FSTL5: variants seen among roughly 807,000 people sequenced by gnomAD.
FSTL5 encodes follistatin like 5, also known as follistatin-related protein 5.
A neutral mutation model predicts 89.1 loss-of-function variants in FSTL5; 62 were observed. The ratio of observed to expected loss-of-function variants is 0.70; its 90% CI spans 0.57 to 0.86. The LOEUF (loss-of-function observed/expected upper bound fraction) is 0.86. FSTL5 is among the 40% of genes least tolerant of loss of function. The pLI is 0.00. For missense variants in FSTL5, 1,057 were observed against 1,001.6 expected (o/e 1.06, Z -0.75); for synonymous variants, 383 against 346.2 (o/e 1.11, Z -1.18).
chr4:161,444,331 C>T (rs1732875002), intron 15 of FSTL5, among the ~76,000 whole-genome samples: 1 of 151,844 alleles, frequency 6.6e-6, no homozygotes, highest in Non-Finnish European at 1.5e-5. Context: ...TGACACAACA[C>T]TATATTTTTT....
intron 7 of FSTL5, among the ~76,000 whole-genome samples, chr4:161,601,568 C>T (rs1734238706): frequency 6.6e-6 from 1 of 152,030 alleles, no homozygotes; most frequent in Non-Finnish European, 1.5e-5. Context: ...TCTGGCACCA[C>T]CCATGCTTGC....
At chr4:161,479,282 A>G (rs1437779079) in intron 13 of FSTL5, among the ~76,000 whole-genome samples, 1 of 152,090 alleles carries the variant, frequency 6.6e-6, no homozygotes, top group African/African-American at 2.4e-5. Context: ...AATTATTACC[A>G]TATCACTTGA....
intron 15 of FSTL5, among the ~76,000 whole-genome samples, chr4:161,401,149 A>G (rs1183758668): frequency 6.6e-6 from 1 of 152,210 alleles, no homozygotes; most frequent in Non-Finnish European, 1.5e-5. Flanking sequence ...CTAAGCATAC[A>G]AAATACAGAG....
chr4:161,541,474 CCT>C (rs1476759149), intron 9 of FSTL5, among the ~76,000 whole-genome samples: 1 of 149,812 alleles, frequency 6.7e-6, no homozygotes, highest in African/African-American at 2.5e-5. Context: ...AGATTATAGA[CCT>C]CTTGAGGTAA....
At chr4:161,588,404 T>C (rs1733692705) in intron 7 of FSTL5, among the ~76,000 whole-genome samples, 1 of 152,108 alleles carries the variant, frequency 6.6e-6, no homozygotes, top group Admixed American at 6.6e-5. Flanking sequence ...AGCATTTATT[T>C]TCCAAGCCCA....
chr4:161,931,470 T>C (rs1734282571), intron 3 of FSTL5, among the ~76,000 whole-genome samples: 1 of 151,904 alleles, frequency 6.6e-6, no homozygotes, highest in South Asian at 2.1e-4. Flanking sequence ...ATAAAGACAA[T>C]TTTTGTAAGC....
intron 7 of FSTL5, among the ~76,000 whole-genome samples, chr4:161,654,093 C>T (rs905374515): frequency 2.0e-5 from 3 of 151,914 alleles, no homozygotes; most frequent in African/African-American, 7.3e-5. Context: ...ATTTTAGAGA[C>T]CTGACATATC....
chr4:161,661,531 T>A (rs781736213), intron 6 of FSTL5, among the ~76,000 whole-genome samples: 10 of 152,178 alleles, frequency 6.6e-5, no homozygotes, highest in Non-Finnish European at 1.3e-4. Context: ...AAATTAGTTA[T>A]TCTCATATAA....
intron 10 of FSTL5, among the ~76,000 whole-genome samples, chr4:161,512,588 C>G (rs971868238): frequency 2.0e-5 from 3 of 151,944 alleles, no homozygotes; most frequent in Non-Finnish European, 4.4e-5. Context: ...GTGAAAAATT[C>G]TAGTGGCATA....
intron 7 of FSTL5, among the ~76,000 whole-genome samples, chr4:161,593,743 T>C (rs1336547784): frequency 1.3e-5 from 2 of 152,046 alleles, no homozygotes; most frequent in Non-Finnish European, 1.5e-5. Flanking sequence ...CCAGAGGAAA[T>C]TGTCATGGTG....
intron 1 of FSTL5, among the ~76,000 whole-genome samples, chr4:162,124,852 A>C (rs1232394095): frequency 6.6e-6 from 1 of 152,138 alleles, no homozygotes; most frequent in Non-Finnish European, 1.5e-5. Context: ...GGCGCCCGCC[A>C]CCACGTCCAG....
intron 1 of FSTL5, among the ~76,000 whole-genome samples, chr4:162,121,511 A>G (rs1413785799): frequency 6.6e-6 from 1 of 152,064 alleles, no homozygotes; most frequent in Non-Finnish European, 1.5e-5. Context: ...TGCCTTCAGA[A>G]CTGGGGATTA....
At chr4:162,001,827 CA>C (rs1047592029) in intron 3 of FSTL5, among the ~76,000 whole-genome samples, 2 of 151,940 alleles carry the variant, frequency 1.3e-5, no homozygotes, top group African/African-American at 4.8e-5. Flanking sequence ...ACACAGAGTA[CA>C]AAAAAATGAT....
chr4:161,996,011 G>A (rs1736284780), intron 3 of FSTL5, among the ~76,000 whole-genome samples: 1 of 152,078 alleles, frequency 6.6e-6, no homozygotes, highest in Non-Finnish European at 1.5e-5. Context: ...AAGAACACTG[G>A]AGTTAATGCA....
chr4:161,421,986 T>C (rs1268483255), intron 15 of FSTL5, among the ~76,000 whole-genome samples: 1 of 152,158 alleles, frequency 6.6e-6, no homozygotes, highest in African/African-American at 2.4e-5. Flanking sequence ...CAATACCTTA[T>C]AATAAATCTC....
At chr4:162,072,988 T>C (rs1425716621) in intron 2 of FSTL5, among the ~76,000 whole-genome samples, 1 of 151,814 alleles carries the variant, frequency 6.6e-6, no homozygotes, top group East Asian at 1.9e-4. Flanking sequence ...ACTGAGGCAC[T>C]GACTCTTCTT....
chr4:161,632,608 T>C (rs1032996929), intron 7 of FSTL5, among the ~76,000 whole-genome samples: 1 of 152,238 alleles, frequency 6.6e-6, no homozygotes, highest in Non-Finnish European at 1.5e-5. Context: ...TGCATTTAAC[T>C]CTGTGAATTT....
chr4:162,117,672 G>A (rs769377561), intron 1 of FSTL5, among the ~76,000 whole-genome samples: 8 of 152,142 alleles, frequency 5.3e-5, no homozygotes, highest in Non-Finnish European at 8.8e-5. Context: ...CAAATGAAAT[G>A]ACTGGAAGCC....
intron 15 of FSTL5, among the ~76,000 whole-genome samples, chr4:161,436,632 C>G (rs1732569761): frequency 6.6e-6 from 1 of 152,068 alleles, no homozygotes; most frequent in African/African-American, 2.4e-5. Context: ...ATGTATTAAG[C>G]CATTTTAATA....
Sources: allele counts gnomAD v4.1 joint callset (sites outside exome capture counted in the v4.1 genomes callset), GRCh38; gene constraint gnomAD v4.1.1; transcripts MANE v1.5; gene names NCBI Gene and HGNC (gene_info 2026-07-23, HGNC 2026-07-21).